The following PLPP4 variants were observed in gnomAD, a reference collection of about 807,000 sequenced individuals.
PLPP4 encodes the protein diacylglycerol pyrophosphate like 2.
Under a neutral mutation model 32.2 loss-of-function variants are expected in PLPP4, and 20 were observed. The ratio of observed to expected loss-of-function variants is 0.62; its 90% CI spans 0.44 to 0.90. PLPP4 has a LOEUF of 0.90. PLPP4 is among the 40% of genes least tolerant of loss of function. The pLI, the probability that PLPP4 is intolerant of heterozygous loss-of-function variation, is 0.00. For synonymous variants in PLPP4, 127 were observed against 133.0 expected (o/e 0.95, Z 0.31); for missense variants, 257 against 353.1 (o/e 0.73, Z 2.18).
chr10:120,589,010 C>T (rs1322304254), intron 6 of PLPP4, among the ~76,000 whole-genome samples: 1 of 152,206 alleles, frequency 6.6e-6, no homozygotes, highest in African/African-American at 2.4e-5. Context: ...TGCAGCACTG[C>T]ACTCCAGCCT....
intron 5 of PLPP4, among the ~76,000 whole-genome samples, chr10:120,522,374 G>T (rs758974745): frequency 6.6e-6 from 1 of 152,150 alleles, no homozygotes; most frequent in Non-Finnish European, 1.5e-5. Context: ...ATGAATCACT[G>T]TCAACTTGCA....
chr10:120,478,050 A>G (rs1005440144), intron 1 of PLPP4, among the ~76,000 whole-genome samples: 3 of 152,126 alleles, frequency 2.0e-5, no homozygotes, highest in African/African-American at 7.2e-5. Flanking sequence ...CTGCCACCCC[A>G]CCAGATCCCT....
intron 5 of PLPP4, among the ~76,000 whole-genome samples, chr10:120,550,189 A>T (rs1468302232): frequency 6.6e-6 from 1 of 152,004 alleles, no homozygotes; most frequent in Non-Finnish European, 1.5e-5. Context: ...CAATTAGAAA[A>T]TAGAGACTTT....
At chr10:120,462,052 G>A (rs1848074889) in intron 1 of PLPP4, among the ~76,000 whole-genome samples, 1 of 152,206 alleles carries the variant, frequency 6.6e-6, no homozygotes, top group Non-Finnish European at 1.5e-5. Flanking sequence ...AAGGTGCTAG[G>A]TTTCACTGAG....
At position 120,590,806 on chromosome 10, in the gene PLPP4, CGAGACTGCACTGG is replaced by C. The variant is rs1425017512; in HGVS notation, c.*1305_*1317del. 1.5e-5 allele frequency among the ~76,000 whole-genome samples: 2 copies of C among 137,710 alleles called. No individual in the cohort carries two copies. The highest frequency in any genetic ancestry group is 1.6e-4 in the Admixed American group (2 of 12,336). The allele number at this position is 137,710 out of a possible 152,430, so 90.3% of individuals were successfully genotyped here. On this transcript the variant is annotated 3_prime_UTR_variant, in exon 7 of 7. Coordinates refer to ENST00000398250, the MANE Select transcript of PLPP4 (RefSeq NM_001030059.3). ...TTTTTGAGATGGAGTCTCGCTGTGT[CGAGACTGCACTGG>C]AGTGCAGTGGCGTGATCTTGGCTCA...
chr10:120,509,522 A>G (rs897034167), intron 2 of PLPP4, among the ~76,000 whole-genome samples: 4 of 152,110 alleles, frequency 2.6e-5, no homozygotes, highest in Admixed American at 2.0e-4. Flanking sequence ...ATGGTGTTCA[A>G]TATATAATCT....
intron 1 of PLPP4, among the ~76,000 whole-genome samples, chr10:120,483,771 C>G (rs1844318902): frequency 6.6e-6 from 1 of 152,194 alleles, no homozygotes. Context: ...AAGAGCCTGA[C>G]CCCTCCCCAC....
rs750060023 is a variant in PLPP4 at position 120,462,488 on chromosome 10, A to G, written c.56+5127A>G. 9.2e-5 allele frequency among the ~76,000 whole-genome samples: 14 copies of G among 152,210 alleles called. 1 individual carries two copies. The highest frequency in any genetic ancestry group is 1.8e-4 in the Non-Finnish European group (12 of 68,038). ...CCCTGCTTCACAGCTCCCCAGGACA[A>G]GTACTGTCTGCACTGCGTTGTGGTC... is the stretch of plus-strand genomic sequence containing the variant. On this transcript the variant is annotated intron_variant, in intron 1 of 6. Coordinates refer to ENST00000398250, the MANE Select transcript of PLPP4 (RefSeq NM_001030059.3).
chr10:120,481,275 G>A (rs1228984560), intron 1 of PLPP4, among the ~76,000 whole-genome samples: 3 of 152,184 alleles, frequency 2.0e-5, no homozygotes, highest in African/African-American at 7.2e-5. Context: ...GAATACAAAA[G>A]GATGTGGTGA....
chr10:120,512,782 C>T (rs892679948), intron 2 of PLPP4, among the ~76,000 whole-genome samples: 1 of 151,504 alleles, frequency 6.6e-6, no homozygotes, highest in African/African-American at 2.4e-5. Context: ...CACTGCACTC[C>T]AGCCTGGTGA....
intron 2 of PLPP4, among the ~76,000 whole-genome samples, chr10:120,507,391 C>CATT (rs1564803416): frequency 7.0e-5 from 10 of 142,138 alleles, no homozygotes; most frequent in Non-Finnish European, 7.8e-5. Context: ...TCATCATTAT[C>CATT]ATCATCATCA....
chr10:120,568,667 A>G (rs1378286397), intron 5 of PLPP4, among the ~76,000 whole-genome samples: 3 of 152,180 alleles, frequency 2.0e-5, no homozygotes, highest in Non-Finnish European at 4.4e-5. Flanking sequence ...CAGCTCCTCT[A>G]ATGTCATTAT....
At chr10:120,481,741 G>A (rs1419950628) in intron 1 of PLPP4, among the ~76,000 whole-genome samples, 1 of 152,204 alleles carries the variant, frequency 6.6e-6, no homozygotes, top group African/African-American at 2.4e-5. Context: ...GGCATCTGAT[G>A]CTGAGATTCT....
In PLPP4 at chr10:120,568,769, G is replaced by A. The variant is rs139074993; in HGVS notation, c.446-6362G>A. On this transcript the variant is annotated intron_variant, in intron 5 of 6. Coordinates refer to ENST00000398250, the MANE Select transcript of PLPP4 (RefSeq NM_001030059.3). ...ATAATCAAAGGAAAAGTTATCCTGG[G>A]GATTTAGACCTTCTGTAGATTAAGA... 6.2e-4 allele frequency among the ~76,000 whole-genome samples: 95 copies of A among 152,154 alleles called. 1 individual carries two copies. Among genetic ancestry groups the A allele is most frequent in the African/African-American group, 2.2e-3 (92 of 41,506 alleles).
rs1177740778 is a variant in PLPP4, at chr10:120,590,278, G to T, written c.*776G>T. 6.6e-6 allele frequency among the ~76,000 whole-genome samples: 1 copy of T among 152,200 alleles called. No individual in the cohort carries two copies. The highest frequency in any genetic ancestry group is 2.4e-5 in the African/African-American group (1 of 41,458). ...TACAGTGAATTTTTGGGGCACGGGGGCTTTACTTGGCTCTTCTGCAAGAAG... is the reference window on the plus strand; with the variant it reads ...TACAGTGAATTTTTGGGGCACGGGGTCTTTACTTGGCTCTTCTGCAAGAAG... On this transcript the variant is annotated 3_prime_UTR_variant, in exon 7 of 7. Coordinates refer to ENST00000398250, the MANE Select transcript of PLPP4 (RefSeq NM_001030059.3).
chr10:120,478,597 G>A (rs1844041084), intron 1 of PLPP4, among the ~76,000 whole-genome samples: 1 of 152,210 alleles, frequency 6.6e-6, no homozygotes, highest in Non-Finnish European at 1.5e-5. Flanking sequence ...CTTGTGGGTG[G>A]TCTTTTAGTC....
chr10:120,525,541 G>A (rs948043164), intron 5 of PLPP4, among the ~76,000 whole-genome samples: 6 of 152,144 alleles, frequency 3.9e-5, no homozygotes, highest in South Asian at 2.1e-4. Flanking sequence ...CATGGCCCAC[G>A]TTTTCCTCCA....
chr10:120,489,049 C>A (rs1470641622), intron 1 of PLPP4, among the ~76,000 whole-genome samples: 1 of 152,222 alleles, frequency 6.6e-6, no homozygotes, highest in Non-Finnish European at 1.5e-5. Flanking sequence ...CCCTCCCTCC[C>A]TACTTCCTTT....
intron 5 of PLPP4, among the ~76,000 whole-genome samples, chr10:120,566,818 G>A (rs1848714451): frequency 2.0e-5 from 3 of 152,212 alleles, no homozygotes; most frequent in South Asian, 2.1e-4. Context: ...GCCTCCCAAA[G>A]TGCTGGGATT....
Sources: allele counts gnomAD v4.1 joint callset (sites outside exome capture counted in the v4.1 genomes callset), GRCh38; gene constraint gnomAD v4.1.1; transcripts MANE v1.5; gene names NCBI Gene and HGNC (gene_info 2026-07-23, HGNC 2026-07-21).